Variants in SYT1 observed in about 807,000 individuals in gnomAD.
SYT1 encodes synaptotagmin-1.
SYT1 carries 8 observed loss-of-function variants against 44.8 expected under a neutral mutation model. The ratio of observed to expected loss-of-function variants is 0.18; its 90% CI spans 0.10 to 0.32. SYT1 has a LOEUF of 0.32. Among genes scored for constraint, SYT1 ranks in the 10% least tolerant of loss-of-function variants. The pLI, the probability that SYT1 is intolerant of heterozygous loss-of-function variation, is 1.00. For missense variants in SYT1, 286 were observed against 509.3 expected, an observed-to-expected ratio of 0.56 and a Z score of 4.22; for synonymous variants, 154 against 188.8, an observed-to-expected ratio of 0.82 and a Z score of 1.51.
intron 2 of SYT1, among the ~76,000 whole-genome samples, chr12:79,037,062 G>A (rs1378296666): frequency 6.6e-6 from 1 of 151,564 alleles, no homozygotes; most frequent in Non-Finnish European, 1.5e-5. Flanking sequence ...TTATTTATGT[G>A]ACAGGTACTA....
At chr12:79,399,667 G>C (rs1223242646) in intron 9 of SYT1, among the ~76,000 whole-genome samples, 1 of 152,116 alleles carries the variant, frequency 6.6e-6, no homozygotes, top group Non-Finnish European at 1.5e-5. Flanking sequence ...TTCTCATGTA[G>C]AAGATATTAC....
chr12:78,888,731 G>A (rs1874882102), intron 1 of SYT1, among the ~76,000 whole-genome samples: 1 of 151,666 alleles, frequency 6.6e-6, no homozygotes, highest in African/African-American at 2.4e-5. Context: ...TAATATCTTT[G>A]GTAGCTTCTG....
At chr12:78,954,528 CAGAG>C (rs879698866) in intron 1 of SYT1, among the ~76,000 whole-genome samples, 17 of 150,198 alleles carry the variant, frequency 1.1e-4, no homozygotes, top group East Asian at 7.8e-4. Context: ...CATGGAACAT[CAGAG>C]AGAGAGAGAG....
chr12:79,349,228 A>T (rs761835861), intron 8 of SYT1, among the ~76,000 whole-genome samples: 2 of 152,042 alleles, frequency 1.3e-5, no homozygotes, highest in Non-Finnish European at 2.9e-5. Flanking sequence ...GAAGGATCTA[A>T]CTTGAGAGAC....
intron 4 of SYT1, among the ~76,000 whole-genome samples, chr12:79,277,133 C>G (rs1878781823): frequency 1.3e-5 from 2 of 151,938 alleles, no homozygotes; most frequent in Non-Finnish European, 2.9e-5. Context: ...ACAAAAAGCT[C>G]AAAGAACTCC....
At chr12:79,121,445 C>T (rs1879595075) in intron 3 of SYT1, among the ~76,000 whole-genome samples, 1 of 151,554 alleles carries the variant, frequency 6.6e-6, no homozygotes, top group African/African-American at 2.4e-5. Context: ...CTTTCAGTAA[C>T]ATCAAATAGA....
intron 3 of SYT1, among the ~76,000 whole-genome samples, chr12:79,171,830 C>T (rs774993092): frequency 9.2e-5 from 14 of 151,932 alleles, no homozygotes; most frequent in South Asian, 2.1e-4. Context: ...TTAATAAAAT[C>T]GGTTTAATAA....
intron 3 of SYT1, among the ~76,000 whole-genome samples, chr12:79,147,908 T>C (rs980042307): frequency 6.6e-6 from 1 of 152,152 alleles, no homozygotes; most frequent in Non-Finnish European, 1.5e-5. Context: ...TAACATATAA[T>C]TGGTTTGAAA....
chr12:78,931,479 A>T (rs1747957624), intron 1 of SYT1, among the ~76,000 whole-genome samples: 1 of 151,936 alleles, frequency 6.6e-6, no homozygotes, highest in African/African-American at 2.4e-5. Flanking sequence ...GAAAGAAAGA[A>T]AGAAAGAGAA....
intron 1 of SYT1, among the ~76,000 whole-genome samples, chr12:78,871,924 G>T (rs531645093): frequency 4.6e-5 from 7 of 151,464 alleles, no homozygotes; most frequent in Middle Eastern, 3.4e-3. Flanking sequence ...CAGAATCCGA[G>T]GCCACAAGTT....
intron 3 of SYT1, among the ~76,000 whole-genome samples, chr12:79,095,696 T>A (rs193029269): frequency 6.6e-6 from 1 of 151,974 alleles, no homozygotes; most frequent in East Asian, 1.9e-4. Context: ...CTTTCTTGGC[T>A]GGCTTTTTTG....
At chr12:79,429,667 T>C (rs957528000) in intron 9 of SYT1, among the ~76,000 whole-genome samples, 1 of 152,194 alleles carries the variant, frequency 6.6e-6, no homozygotes, top group Non-Finnish European at 1.5e-5. Context: ...TAGCTGGGAC[T>C]ACAGGCACCC....
chr12:79,126,406 A>T (rs11112881), intron 3 of SYT1, among the ~76,000 whole-genome samples: 17,140 of 152,146 alleles, frequency 0.11, 1,024 homozygotes, highest in African/African-American at 0.13. Flanking sequence ...GATTGCAGGC[A>T]TGTGCCACCA....
intron 3 of SYT1, among the ~76,000 whole-genome samples, chr12:79,155,555 TA>T (rs1184787160): frequency 6.6e-6 from 1 of 152,238 alleles, no homozygotes. Flanking sequence ...AGATTTTGTT[TA>T]AAATCTGTGA....
chr12:79,326,125 G>A (rs772952419), intron 8 of SYT1, among the ~76,000 whole-genome samples: 2 of 152,118 alleles, frequency 1.3e-5, no homozygotes, highest in Non-Finnish European at 2.9e-5. Flanking sequence ...GTGAATTTTA[G>A]CATAATTATT....
At chr12:78,879,670 A>G (rs1361206421) in intron 1 of SYT1, among the ~76,000 whole-genome samples, 19 of 151,808 alleles carry the variant, frequency 1.3e-4, no homozygotes, top group Non-Finnish European at 8.8e-5. Flanking sequence ...TCTTTTGAAT[A>G]TGTTTACTTT....
chr12:79,419,737 T>C (rs1308327357), intron 9 of SYT1, among the ~76,000 whole-genome samples: 2 of 152,252 alleles, frequency 1.3e-5, no homozygotes, highest in East Asian at 3.9e-4. Context: ...AAATAGCCTA[T>C]GTCCTCTTTA....
At chr12:79,427,355 G>C (rs1228911242) in intron 9 of SYT1, among the ~76,000 whole-genome samples, 1 of 152,208 alleles carries the variant, frequency 6.6e-6, no homozygotes, top group Non-Finnish European at 1.5e-5. Context: ...CTGTGCCCAA[G>C]AAGTCCCCAT....
At chr12:79,174,998 G>A (rs560494117) in intron 3 of SYT1, among the ~76,000 whole-genome samples, 86 of 152,172 alleles carry the variant, frequency 5.7e-4, no homozygotes, top group African/African-American at 2.0e-3. Context: ...CAGAAAGCTT[G>A]TATGGAAAGT....
Sources: gnomAD v4.1 joint callset for allele counts (sites outside exome capture counted in the v4.1 genomes callset) on GRCh38, gnomAD v4.1.1 for gene constraint, MANE v1.5 for transcripts, NCBI Gene and HGNC (gene_info 2026-07-23, HGNC 2026-07-21) for gene names.